MACF1: variants seen among roughly 807,000 people sequenced by gnomAD.
MACF1 encodes microtubule-actin cross-linking factor 1.
In MACF1, 193 loss-of-function variants were observed where a neutral mutation model predicts 854.8. The observed-to-expected ratio is 0.23, with a 90% confidence interval of 0.20 to 0.25. The LOEUF is 0.25. Ranked by LOEUF, MACF1 falls within the 10% of genes least tolerant of loss-of-function variation. MACF1 has a pLI of 1.00. For missense variants in MACF1, 7,722 were observed against 8,929.1 expected (o/e 0.86, Z 5.45); for synonymous variants, 3,185 against 3,226.7 (o/e 0.99, Z 0.44).
At chr1:39,447,921 T>G in intron 82 of MACF1, 23 bp downstream of exon 82, 1 of 1,613,228 alleles carries the variant, frequency 6.2e-7, no homozygotes, top group East Asian at 2.2e-5. Flanking sequence ...AGAAAGATAC[T>G]AATTCACTGA....
intron 3 of MACF1, 83 bp from the exon 4 acceptor site, chr1:39,251,763 G>A: frequency 1.4e-6 from 1 of 700,174 alleles, no homozygotes; most frequent in South Asian, 4.9e-5. Context: ...TTTTTTTTAA[G>A]TGTTGCATTC....
At chr1:39,386,751 G>C (rs1395251864) in intron 57 of MACF1, among the ~76,000 whole-genome samples, 1 of 151,904 alleles carries the variant, frequency 6.6e-6, no homozygotes, top group Non-Finnish European at 1.5e-5. Context: ...TTTTAGTAGA[G>C]ACGAGGTCTT....
At chr1:39,116,357 A>G (rs940424876) in intron 2 of MACF1, among the ~76,000 whole-genome samples, 1 of 151,720 alleles carries the variant, frequency 6.6e-6, no homozygotes, top group Admixed American at 6.6e-5. Context: ...GCTGAGAGTC[A>G]GGAGGAAGGA....
At chr1:39,116,607 T>G (rs1002671464) in intron 2 of MACF1, among the ~76,000 whole-genome samples, 2 of 152,240 alleles carry the variant, frequency 1.3e-5, no homozygotes, top group Non-Finnish European at 2.9e-5. Context: ...TGTACTGTTG[T>G]TCTCTGGCTG....
chr1:39,341,507 C>A (rs1646935038), intron 40 of MACF1, among the ~76,000 whole-genome samples: 1 of 150,784 alleles, frequency 6.6e-6, no homozygotes, highest in African/African-American at 2.4e-5. Context: ...ACCAGCCTGG[C>A]CAACATGGTG....
chr1:39,445,833 G>A (rs967977600), intron 80 of MACF1, among the ~76,000 whole-genome samples: 21 of 152,264 alleles, frequency 1.4e-4, no homozygotes, highest in African/African-American at 4.1e-4. Flanking sequence ...AGTGGCACAC[G>A]CCTGTAGTCC....
Position 39,105,650 on chromosome 1 carries a change from G to C in MACF1, c.220+21212G>C. On this transcript the variant is annotated intron_variant, in intron 2 of 93. Coordinates refer to the MACF1 transcript ENST00000361689. The surrounding 1 kb of genome is among the most constrained non-coding windows in gnomAD (Gnocchi z 5.9). ...TGGCCGGCTACGTGCCGGGTCAGCA[G>C]CCGGCCAACCGCAGCCAGGAGAAGG... 1 of 1,236,532 alleles carries C rather than the reference G, an allele frequency of 8.1e-7. No homozygotes were observed. The highest frequency in any genetic ancestry group is 1.6e-5 in the African/African-American group (1 of 61,634). 76.6% of individuals were successfully genotyped at this position (1,236,532 alleles called of 1,614,324 possible). A position where few individuals can be genotyped will look rare whatever the true frequency, so the allele number is the denominator to read the frequency against.
In MACF1 at chr1:39,485,518, G is replaced by C. The variant is rs1261734082; in HGVS notation, c.22412-20G>C. 3 of 1,597,062 alleles carry C rather than the reference G, an allele frequency of 1.9e-6. No individual in the cohort carries two copies. The highest frequency in any genetic ancestry group is 2.6e-6 in the Non-Finnish European group (3 of 1,172,202). ...CCATGCCATCTCTATTAAGTCTGCT[G>C]TTTTATTCTTGAATTCCAGACCCTA... On this transcript the variant is annotated intron_variant, in intron 100 of 100. Coordinates refer to ENST00000564288, the MANE Select transcript of MACF1 (RefSeq NM_001394062.1).
At position 39,108,506 on chromosome 1, in the gene MACF1, G is replaced by GTTTT. The variant is rs778050199; in HGVS notation, c.220+24087_220+24090dup. Among the ~76,000 whole-genome samples the GTTTT allele has an allele frequency of 3.7e-4, 45 of 120,654 alleles. 1 individual carries two copies. Among genetic ancestry groups the GTTTT allele is most frequent in the East Asian group, 6.8e-4 (3 of 4,396 alleles). 79.2% of individuals were successfully genotyped at this position (120,654 alleles called of 152,430 possible). A position where few individuals can be genotyped will look rare whatever the true frequency, so the allele number is the denominator to read the frequency against. On this transcript the variant is annotated intron_variant, in intron 2 of 93. Coordinates refer to the MACF1 transcript ENST00000361689. ...TTGACAAAGGAGGTGACATGAGAGG[G>GTTTT]TTTTTTTTTTTTTTTTTTTTTTGAG...
At chr1:39,160,801 G>A (rs1357426648) in intron 2 of MACF1, among the ~76,000 whole-genome samples, 1 of 152,176 alleles carries the variant, frequency 6.6e-6, no homozygotes, top group Non-Finnish European at 1.5e-5. Flanking sequence ...ATCCTCCTGT[G>A]GGTTGAGTTT....
In MACF1 at chr1:39,283,473, C is replaced by G. The variant is rs200224717; in HGVS notation, c.873C>G (p.Ala291=). The G allele has an allele frequency of 3.7e-6, 6 of 1,612,682 alleles. No homozygotes were observed. In the East Asian group the frequency reaches 1.1e-4, roughly 30 times the overall value. ...VITYVSSIYD[A]FPKVPEGGEG... ...CTTATGTGTCTTCGATTTATGATGC[C>G]TTCCCTAAAGTTCCTGAGGGTGGAG... Residue 291 remains alanine (A), a synonymous_variant, in exon 9 of 101, where the codon GCC becomes GCG. Transcript: ENST00000564288. The surrounding 1 kb of genome is among the most constrained non-coding windows in gnomAD (Gnocchi z 4.5).
At chr1:39,193,196 T>G (rs1644277831) in intron 2 of MACF1, among the ~76,000 whole-genome samples, 1 of 152,122 alleles carries the variant, frequency 6.6e-6, no homozygotes, top group Non-Finnish European at 1.5e-5. Context: ...AGACAGGGCT[T>G]CTTTTCTTCG....
chr1:39,435,505 T>C (rs184786837), intron 69 of MACF1, 53 bp from the exon 70 acceptor site: 2 of 1,425,790 alleles, frequency 1.4e-6, no homozygotes, highest in African/African-American at 2.8e-5. Context: ...AGTATCTAAA[T>C]ACATAAACTG....
At chr1:39,415,749 G>T (rs1448917985) in intron 58 of MACF1, among the ~76,000 whole-genome samples, 1 of 152,096 alleles carries the variant, frequency 6.6e-6, no homozygotes, top group Non-Finnish European at 1.5e-5. Context: ...CCTAGTCCAA[G>T]GAATTTGAGA....
chr1:39,254,185 T>C, intron 4 of MACF1, 113 bp from the exon 5 acceptor site: 1 of 868,306 alleles, frequency 1.2e-6, no homozygotes, highest in Non-Finnish European at 1.8e-6. Context: ...AGGCCTGGCT[T>C]CTACTGTAAG....
intron 99 of MACF1, among the ~76,000 whole-genome samples, chr1:39,484,147 C>T (rs1052265097): frequency 1.6e-4 from 25 of 152,062 alleles, no homozygotes; most frequent in Admixed American, 1.6e-3. Flanking sequence ...AGCGAGACTC[C>T]GTCTCAAAAA....
chr1:39,349,154 G>A (rs1647124029), intron 41 of MACF1, among the ~76,000 whole-genome samples: 1 of 152,120 alleles, frequency 6.6e-6, no homozygotes, highest in South Asian at 2.1e-4. Context: ...CCATTATCAT[G>A]TGTGGATTTC....
intron 1 of MACF1, among the ~76,000 whole-genome samples, chr1:39,216,219 T>C (rs1026500170): frequency 1.1e-4 from 16 of 152,240 alleles, no homozygotes; most frequent in African/African-American, 3.9e-4. Flanking sequence ...TCTGAAATTG[T>C]CTCTCCTACT....
At chr1:39,362,845 A>T (rs1370842467) in intron 49 of MACF1, among the ~76,000 whole-genome samples, 2 of 152,190 alleles carry the variant, frequency 1.3e-5, no homozygotes, top group African/African-American at 2.4e-5. Context: ...TATGTTTCTT[A>T]TATCATAAAA....
Sources: gnomAD v4.1 joint callset for allele counts (sites outside exome capture counted in the v4.1 genomes callset) on GRCh38, gnomAD v4.1.1 for gene constraint, Gnocchi (gnomAD v3.1) non-coding constraint, MANE v1.5 for transcripts, NCBI Gene and HGNC (gene_info 2026-07-23, HGNC 2026-07-21) for gene names.